Variants in EPC2 observed in about 807,000 individuals in gnomAD.
The protein encoded by EPC2 is enhancer of polycomb 2.
In EPC2, 14 loss-of-function variants were observed where a neutral mutation model predicts 92.1. The observed-to-expected ratio is 0.15, with a 90% CI of 0.10 to 0.24. The LOEUF is 0.24. EPC2 is among the 10% of genes least tolerant of loss of function. EPC2 has a pLI of 1.00. For missense variants in EPC2, 755 were observed against 971.5 expected (o/e 0.78, Z 2.96); for synonymous variants, 340 against 334.7 (o/e 1.02, Z -0.17).
chr2:148,676,130 T>TC (rs1681257361), intron 1 of EPC2, among the ~76,000 whole-genome samples: 1 of 151,936 alleles, frequency 6.6e-6, no homozygotes, highest in Non-Finnish European at 1.5e-5. Context: ...TTACTTAGTT[T>TC]TTTTTTTTTT....
At chr2:148,673,584 C>CTTAT (rs950060923) in intron 1 of EPC2, among the ~76,000 whole-genome samples, 7 of 151,824 alleles carry the variant, frequency 4.6e-5, no homozygotes, top group Admixed American at 1.3e-4. Context: ...AATCATTTTT[C>CTTAT]TTATTTATTT....
intron 2 of EPC2, among the ~76,000 whole-genome samples, chr2:148,700,328 GT>G (rs1200877688): frequency 6.6e-6 from 1 of 152,026 alleles, no homozygotes; most frequent in Non-Finnish European, 1.5e-5. Context: ...TTTCTCCAGT[GT>G]TATTTTCTAA....
rs1327515511 is a variant in EPC2 at position 148,721,889 on chromosome 2, TC to T, written c.314-21732del. Among the ~76,000 whole-genome samples, 103 of 95,448 alleles carry T rather than the reference TC, an allele frequency of 1.1e-3. 2 individuals carry two copies. The highest frequency in any genetic ancestry group is 4.3e-3 in the Middle Eastern group (1 of 230). The allele number at this position is 95,448 out of a possible 152,430, so 62.6% of individuals were successfully genotyped here. A position where few individuals can be genotyped will look rare whatever the true frequency, so the allele number is the denominator to read the frequency against. ...CTTTGTTTCTTTTTCTGTTTTGATTTCTTTTTTTTTTTTTTTTTCAGAATTC... is the reference window on the plus strand; with the variant it reads ...CTTTGTTTCTTTTTCTGTTTTGATTTTTTTTTTTTTTTTTTTTCAGAATTC... On this transcript the variant is annotated intron_variant, in intron 2 of 13. Transcript: ENST00000258484.
intron 7 of EPC2, 122 bp downstream of exon 7, chr2:148,765,268 A>T: frequency 3.5e-6 from 2 of 579,096 alleles, no homozygotes; most frequent in Non-Finnish European, 5.5e-6. Context: ...ATATAGCATA[A>T]ACATTTCCAC....
chr2:148,648,414 A>T (rs147801523), intron 1 of EPC2, among the ~76,000 whole-genome samples: 6 of 152,220 alleles, frequency 3.9e-5, no homozygotes, highest in African/African-American at 1.4e-4. Flanking sequence ...ACATTTCACA[A>T]ATGTTTTGTG....
At chr2:148,739,438 T>C (rs919458317) in intron 2 of EPC2, among the ~76,000 whole-genome samples, 2 of 152,170 alleles carry the variant, frequency 1.3e-5, no homozygotes, top group African/African-American at 4.8e-5. Flanking sequence ...GTATTTTCAT[T>C]CCACTAAATA....
At chr2:148,778,675 T>A (rs1683693583) in intron 10 of EPC2, among the ~76,000 whole-genome samples, 1 of 152,284 alleles carries the variant, frequency 6.6e-6, no homozygotes, top group African/African-American at 2.4e-5. Flanking sequence ...AAAGGATGTT[T>A]TGTATGTGTT....
intron 2 of EPC2, among the ~76,000 whole-genome samples, chr2:148,697,081 G>A (rs1423608357): frequency 1.3e-5 from 2 of 152,180 alleles, no homozygotes; most frequent in Non-Finnish European, 2.9e-5. Context: ...GACAGATAAT[G>A]TATTTCTCCC....
intron 1 of EPC2, among the ~76,000 whole-genome samples, chr2:148,688,296 A>C (rs953781000): frequency 6.6e-6 from 1 of 152,212 alleles, no homozygotes; most frequent in African/African-American, 2.4e-5. Context: ...CATTCTCAGC[A>C]AACTATTGCA....
At chr2:148,649,106 T>C (rs1428135752) in intron 1 of EPC2, among the ~76,000 whole-genome samples, 1 of 152,252 alleles carries the variant, frequency 6.6e-6, no homozygotes, top group Non-Finnish European at 1.5e-5. Context: ...TTTTTACTAA[T>C]ACTTGCCATT....
intron 6 of EPC2, among the ~76,000 whole-genome samples, chr2:148,763,989 C>T (rs1558833592): frequency 6.6e-6 from 1 of 152,168 alleles, no homozygotes; most frequent in Non-Finnish European, 1.5e-5. Flanking sequence ...CCATTGTTGT[C>T]CTACTCCATT....
At chr2:148,769,082 T>C in intron 7 of EPC2, 69 bp from the exon 8 acceptor site, 3 of 993,870 alleles carry the variant, frequency 3.0e-6, no homozygotes, top group Non-Finnish European at 4.7e-6. Context: ...AGATTTACAT[T>C]TTAGAGTATT....
At chr2:148,761,978 A>T in intron 5 of EPC2, 48 bp downstream of exon 5, 3 of 1,493,594 alleles carry the variant, frequency 2.0e-6, no homozygotes, top group Non-Finnish European at 2.7e-6. Context: ...TTACCAAATG[A>T]TGGGCAAAAT....
intron 2 of EPC2, among the ~76,000 whole-genome samples, chr2:148,728,354 T>C (rs1314001422): frequency 6.6e-6 from 1 of 152,190 alleles, no homozygotes; most frequent in African/African-American, 2.4e-5. Flanking sequence ...TTATCCTATA[T>C]TAATATGTAC....
rs1683086721 is a variant in EPC2 at position 148,751,800 on chromosome 2, T to C, written c.460-2127T>C. On this transcript the variant is annotated intron_variant, in intron 3 of 13. Transcript: ENST00000258484. ...ACCCACAATAGAGATACAGTGATACTAGTTGCCTCAGAGTAGCTAAAGATA... is the reference window on the plus strand; with the variant it reads ...ACCCACAATAGAGATACAGTGATACCAGTTGCCTCAGAGTAGCTAAAGATA... 2.0e-5 allele frequency among the ~76,000 whole-genome samples: 3 copies of C among 152,182 alleles called. No homozygotes were observed. The East Asian group carries it at 5.8e-4, about 29-fold the overall frequency.
chr2:148,671,536 C>A (rs1681155114), intron 1 of EPC2, among the ~76,000 whole-genome samples: 1 of 152,072 alleles, frequency 6.6e-6, no homozygotes, highest in African/African-American at 2.4e-5. Context: ...ATTGCCTGAA[C>A]CTGGGAGGTG....
intron 2 of EPC2, among the ~76,000 whole-genome samples, chr2:148,738,645 T>C (rs1480381213): frequency 6.6e-6 from 1 of 152,198 alleles, no homozygotes; most frequent in East Asian, 1.9e-4. Flanking sequence ...AAAGGACATA[T>C]GATGGAGACT....
intron 2 of EPC2, chr2:148,691,459 C>A: frequency 6.7e-7 from 1 of 1,488,520 alleles, no homozygotes; most frequent in South Asian, 1.2e-5. Flanking sequence ...CTGTGTGATT[C>A]TGAAACATCA....
intron 1 of EPC2, among the ~76,000 whole-genome samples, chr2:148,679,717 C>T (rs890243533): frequency 3.9e-5 from 6 of 152,176 alleles, no homozygotes; most frequent in Non-Finnish European, 1.5e-5. Context: ...GCAGTCACAG[C>T]TCACTGCAGC....
Sources: gnomAD v4.1 joint callset for allele counts (sites outside exome capture counted in the v4.1 genomes callset) on GRCh38, gnomAD v4.1.1 for gene constraint, MANE v1.5 for transcripts, NCBI Gene and HGNC (gene_info 2026-07-23, HGNC 2026-07-21) for gene names.